PPP2R2D: variants seen among roughly 807,000 people sequenced by gnomAD.
PPP2R2D encodes the protein protein phosphatase 2 regulatory subunit Bdelta.
Under a neutral mutation model 31.1 loss-of-function variants are expected in PPP2R2D, and 9 were observed. The ratio of observed to expected loss-of-function variants is 0.29; its 90% CI spans 0.17 to 0.51. The LOEUF is 0.51. Among genes scored for constraint, PPP2R2D ranks in the 20% least tolerant of loss-of-function variants. PPP2R2D has a pLI of 0.98. For missense variants in PPP2R2D, 391 were observed against 465.6 expected, an observed-to-expected ratio of 0.84 and a Z score of 1.48; for synonymous variants, 179 against 172.6, an observed-to-expected ratio of 1.04 and a Z score of -0.29.
At chr10:131,925,504 A>G (rs2036089488) in intron 2 of PPP2R2D, among the ~76,000 whole-genome samples, 1 of 152,196 alleles carries the variant, frequency 6.6e-6, no homozygotes. Flanking sequence ...TATACTTCTC[A>G]TATTTCAAAA....
At position 131,947,255 on chromosome 10, in the gene PPP2R2D, A is replaced by T. The variant is rs1276373421; in HGVS notation, c.821-275A>T. On this transcript the variant is annotated intron_variant, in intron 7 of 8. Coordinates refer to ENST00000455566, the MANE Select transcript of PPP2R2D (RefSeq NM_018461.5). The surrounding 1 kb of genome is among the most constrained non-coding windows in gnomAD (Gnocchi z 4.3). ...GCAGTGCCCAGGACCTTGCCTAGAG[A>T]TTCTCATTCAGGGTCCGGGTGAGAC... is the stretch of plus-strand genomic sequence containing the variant. 6.6e-6 allele frequency among the ~76,000 whole-genome samples: 1 copy of T among 152,126 alleles called. No homozygotes were observed. Among genetic ancestry groups the T allele is most frequent in the African/African-American group, 2.4e-5 (1 of 41,424 alleles).
At chr10:131,918,829 A>G (rs2035891768) in intron 2 of PPP2R2D, among the ~76,000 whole-genome samples, 1 of 139,822 alleles carries the variant, frequency 7.2e-6, no homozygotes, top group African/African-American at 2.7e-5. Context: ...TGGGGACCTC[A>G]CGGGGGTGGA....
intron 2 of PPP2R2D, among the ~76,000 whole-genome samples, chr10:131,927,839 G>A (rs1387707032): frequency 1.7e-4 from 26 of 152,206 alleles, no homozygotes; most frequent in African/African-American, 6.0e-4. Context: ...CACAGTTTAT[G>A]CATCTTTTCT....
chr10:131,913,320 C>T (rs1374476607), intron 2 of PPP2R2D, among the ~76,000 whole-genome samples: 2 of 151,914 alleles, frequency 1.3e-5, no homozygotes, highest in South Asian at 2.1e-4. Context: ...TGTGAGCCAC[C>T]GCACCCAGCT....
At chr10:131,944,848 G>T (rs1025583544) in intron 6 of PPP2R2D, among the ~76,000 whole-genome samples, 3 of 152,138 alleles carry the variant, frequency 2.0e-5, no homozygotes, top group Non-Finnish European at 4.4e-5. Flanking sequence ...TGTTGGATCT[G>T]TTCTAGCTAC....
At position 131,940,526 on chromosome 10, in the gene PPP2R2D, A is replaced by G. The variant is rs202028885; in HGVS notation, c.365-56A>G. The G allele has an allele frequency of 1.9e-3, 1,367 of 707,452 alleles. 7 individuals are homozygous for G. Among genetic ancestry groups the G allele is most frequent in the Middle Eastern group, 7.5e-3 (32 of 4,272 alleles). The allele number at this position is 707,452 out of a possible 1,614,324, so 43.8% of individuals were successfully genotyped here. On this transcript the variant is annotated intron_variant, in intron 4 of 8. Transcript: ENST00000455566. ...TTTCTAATACCAGTACTCAAACAGT[A>G]GTGATGCATGTTATAGTTTTTCTTT...
At chr10:131,953,387 G>A (rs1554899365) in intron 8 of PPP2R2D, among the ~76,000 whole-genome samples, 2 of 84,412 alleles carry the variant, frequency 2.4e-5, no homozygotes, top group African/African-American at 1.0e-4. Flanking sequence ...ACTTGCAGGT[G>A]TGTGGGGGGT....
intron 3 of PPP2R2D, chr10:131,934,937 G>T: frequency 1.1e-5 from 5 of 456,998 alleles, no homozygotes; most frequent in South Asian, 7.7e-5. Context: ...TGAAGTGTGA[G>T]CAGCTTTCTC....
chr10:131,941,809 CAGG>C (rs782638419), intron 5 of PPP2R2D, among the ~76,000 whole-genome samples: 34 of 152,300 alleles, frequency 2.2e-4, no homozygotes, highest in Admixed American at 5.2e-4. Flanking sequence ...GTGCATTCCT[CAGG>C]AGGAGTGTCC....
At chr10:131,961,208 C>T (rs990829828), downstream of PPP2R2D, among the ~76,000 whole-genome samples, 1 of 152,202 alleles carries the variant, frequency 6.6e-6, no homozygotes, top group South Asian at 2.1e-4. Flanking sequence ...CTGGCGGGCC[C>T]CGCGCTCTTC....
At chr10:131,917,196 G>C (rs369680852) in intron 2 of PPP2R2D, among the ~76,000 whole-genome samples, 312 of 110,686 alleles carry the variant, frequency 2.8e-3, no homozygotes, top group African/African-American at 3.3e-3. Flanking sequence ...AGGGACCTCA[G>C]GTGGGTGGAA....
chr10:131,957,233 TGTTG>T lies in PPP2R2D; in HGVS notation c.*1271_*1274del. On this transcript the variant is annotated 3_prime_UTR_variant, in exon 9 of 9. Transcript: ENST00000455566. ...GTCCGCCTGTGGAGATGAAGGTGTG[TGTTG>T]ATTCCTCCTGCTGCTGTGGAGATGG... is the stretch of plus-strand genomic sequence containing the variant. 1 of 158,096 alleles carries T rather than the reference TGTTG, an allele frequency of 6.3e-6. No homozygotes were observed. Among genetic ancestry groups the T allele is most frequent in the Admixed American group, 6.6e-5 (1 of 15,202 alleles). 9.8% of individuals were successfully genotyped at this position (158,096 alleles called of 1,614,324 possible).
rs145880487 is a variant in PPP2R2D at position 131,956,620 on chromosome 10, A to G, written c.*657A>G. 1.8e-4 allele frequency: 169 copies of G among 945,990 alleles called. 2 individuals are homozygous for G. In the Admixed American group the frequency reaches 8.9e-3, roughly 50 times the overall value. The allele number at this position is 945,990 out of a possible 1,614,324, so 58.6% of individuals were successfully genotyped here. A position where few individuals can be genotyped will look rare whatever the true frequency, so the allele number is the denominator to read the frequency against. ...TTATGCAGGGTTCTTCTTTGGAACTAACTGTTTGAGAAATGTGTGTCCTTC... is the reference window on the plus strand; with the variant it reads ...TTATGCAGGGTTCTTCTTTGGAACTGACTGTTTGAGAAATGTGTGTCCTTC... On this transcript the variant is annotated 3_prime_UTR_variant, in exon 9 of 9. Transcript: ENST00000455566.
chr10:131,959,058 T>A lies in PPP2R2D; in HGVS notation c.*3095T>A, dbSNP rs1476622685. 1 of 101,092 alleles carries A rather than the reference T, an allele frequency of 9.9e-6. No individual in the cohort carries two copies. Among genetic ancestry groups the A allele is most frequent in the African/African-American group, 4.6e-5 (1 of 21,776 alleles). 6.3% of individuals were successfully genotyped at this position (101,092 alleles called of 1,614,324 possible). Reference sequence around the variant, plus strand: ...GATGAAGGCGTGTGCTCATCCCCCATCCCCCTGTGGAGATGAAGGCGTGTG... The same window carrying A: ...GATGAAGGCGTGTGCTCATCCCCCAACCCCCTGTGGAGATGAAGGCGTGTG... On this transcript the variant is annotated 3_prime_UTR_variant, in exon 9 of 9. Coordinates refer to ENST00000455566, the MANE Select transcript of PPP2R2D (RefSeq NM_018461.5).
chr10:131,938,809 G>A (rs1052201363), intron 3 of PPP2R2D, among the ~76,000 whole-genome samples: 1 of 152,204 alleles, frequency 6.6e-6, no homozygotes, highest in East Asian at 1.9e-4. Flanking sequence ...CCTCTGGTTG[G>A]CATATGTGTG....
chr10:131,904,457 C>T (rs1255802290), intron 2 of PPP2R2D, among the ~76,000 whole-genome samples: 1 of 146,126 alleles, frequency 6.8e-6, no homozygotes, highest in Admixed American at 6.8e-5. Flanking sequence ...TTGCAGTGAG[C>T]CGAGATCGTG....
At chr10:131,965,617 T>C in the PPP2R2D span, among the ~76,000 whole-genome samples, 2 of 152,156 alleles carry the variant, frequency 1.3e-5, no homozygotes, top group African/African-American at 4.8e-5. Context: ...GCTAATTTTC[T>C]TGTATTTTAG....
the PPP2R2D span, among the ~76,000 whole-genome samples, chr10:131,965,933 C>T: frequency 6.6e-6 from 1 of 152,228 alleles, no homozygotes; most frequent in Non-Finnish European, 1.5e-5. Context: ...CAGGGCAGCA[C>T]TGTCGTTCTC....
intron 2 of PPP2R2D, among the ~76,000 whole-genome samples, chr10:131,920,119 A>G (rs1554894019): frequency 8.8e-6 from 1 of 113,296 alleles, no homozygotes; most frequent in East Asian, 2.9e-4. Flanking sequence ...TAGGGACCTC[A>G]CGCGGGTGGA....
Sources: allele counts gnomAD v4.1 joint callset (sites outside exome capture counted in the v4.1 genomes callset), GRCh38; gene constraint gnomAD v4.1.1; non-coding constraint Gnocchi (gnomAD v3.1); transcripts MANE v1.5; gene names NCBI Gene and HGNC (gene_info 2026-07-23, HGNC 2026-07-21).